ERAP1: variants seen among roughly 807,000 people sequenced by gnomAD.
ERAP1 encodes the protein adipocyte-derived leucine aminopeptidase.
In ERAP1, 86 loss-of-function variants were observed where a neutral mutation model predicts 103.7. That is an observed-to-expected ratio of 0.83 (90% CI 0.70 to 0.99). ERAP1 has a LOEUF of 0.99. Ranked by LOEUF, ERAP1 falls within the 50% of genes least tolerant of loss-of-function variation. The probability of loss-of-function intolerance (pLI) is 0.00; values close to 1 mark genes in which losing one functional copy is unlikely to be tolerated. For synonymous variants in ERAP1, 398 were observed against 402.4 expected (o/e 0.99, Z 0.13); for missense variants, 1,009 against 1,128.4 (o/e 0.89, Z 1.52).
the ERAP1 span, chr5:96,918,598 A>C: frequency 6.6e-6 from 1 of 152,134 alleles, no homozygotes; most frequent in East Asian, 1.9e-4. Context: ...GAGATACAAA[A>C]GGAAAAGGAA....
the ERAP1 span, among the ~76,000 whole-genome samples, chr5:96,874,171 A>AG: frequency 1.8e-4 from 15 of 83,916 alleles, no homozygotes; most frequent in African/African-American, 8.2e-4. Context: ...AGAAAGAAAG[A>AG]AAGAAAGAAA....
chr5:96,914,066 C>A, the ERAP1 span, among the ~76,000 whole-genome samples: 3 of 152,028 alleles, frequency 2.0e-5, no homozygotes, highest in Admixed American at 6.6e-5. Flanking sequence ...AAATATCCCT[C>A]AGAAATAACC....
At chr5:96,788,927 T>C (rs1346391852) in intron 10 of ERAP1, among the ~76,000 whole-genome samples, 2 of 152,186 alleles carry the variant, frequency 1.3e-5, no homozygotes, top group African/African-American at 4.8e-5. Context: ...GCATACCTAG[T>C]TCTGCCGGGC....
At position 96,788,488 on chromosome 5, in the gene ERAP1, T is replaced by C; in HGVS notation, c.1679+43A>G. On this transcript the variant is annotated intron_variant, in intron 11 of 18. Coordinates refer to ENST00000443439, the MANE Select transcript of ERAP1 (RefSeq NM_001040458.3). ...GCAAGGTTCCATCCTACAAGGCAGATGTTACCTAGACAACAAAACAAATTT... is the reference window on the plus strand; with the variant it reads ...GCAAGGTTCCATCCTACAAGGCAGACGTTACCTAGACAACAAAACAAATTT... The C allele has an allele frequency of 1.9e-6, 3 of 1,611,120 alleles. No homozygotes were observed. The South Asian group carries it at 3.3e-5, about 18-fold the overall frequency.
chr5:96,901,390 C>T, the ERAP1 span: 1,059 of 1,142,420 alleles, frequency 9.3e-4, 5 homozygotes, highest in Middle Eastern at 7.1e-3. Context: ...GATACCAGTC[C>T]GAGTCTTCTG....
rs768630025 is a variant in ERAP1, at chr5:96,797,309, C to T, written c.664G>A (p.Val222Met). The T allele has an allele frequency of 1.2e-6, 2 of 1,613,740 alleles. No homozygotes were observed. Among genetic ancestry groups the T allele is most frequent in the Non-Finnish European group, 1.7e-6 (2 of 1,179,884 alleles). Residue 222 changes from valine to methionine, a missense_variant and splice_region_variant, in exon 4 of 19, where the codon GTG becomes ATG. Transcript: ENST00000443439. ...CCTTCAGCAACAGTCACAGATTTCA[C>T]CTAAAATCAGAATAATTCAAATTAT... ...RHLAISNMPL[V>M]KSVTVAEGLI...
chr5:96,780,457 G>T lies in ERAP1; in HGVS notation c.2636C>A (p.Thr879Lys), dbSNP rs752843898. The part of the protein sequence containing the change: ...SSIAHMVMGT[T>K]NQFSTRTRLE... ...CCGTGTTCTTGTGGAGAATTGATTT[G>T]TTGTACCCATTACCATGTGGGCTAT... Residue 879 changes from threonine to lysine, a missense_variant, in exon 18 of 19, where the codon ACA (threonine) becomes AAA (lysine). Thr to Lys is a moderately conservative substitution (Grantham distance 78). Coordinates refer to ENST00000443439, the MANE Select transcript of ERAP1 (RefSeq NM_001040458.3). 8.1e-6 allele frequency: 13 copies of T among 1,610,706 alleles called. No individual in the cohort carries two copies. Among genetic ancestry groups the T allele is most frequent in the African/African-American group, 1.3e-5 (1 of 74,126 alleles).
the ERAP1 span, among the ~76,000 whole-genome samples, chr5:96,927,997 C>A: frequency 6.6e-6 from 1 of 152,080 alleles, no homozygotes; most frequent in African/African-American, 2.4e-5. Flanking sequence ...ACTCTGCTTC[C>A]CAGGTTCAAG....
the ERAP1 span, among the ~76,000 whole-genome samples, chr5:96,853,354 G>A: frequency 6.6e-6 from 1 of 152,138 alleles, no homozygotes; most frequent in Admixed American, 6.5e-5. Flanking sequence ...AGACTATAGT[G>A]GAAAGAGATG....
chr5:96,774,722 T>C lies in ERAP1; in HGVS notation c.*1674A>G. Reference sequence around the variant, plus strand: ...TTTTTTTAAAAGAAGGGAAATAGTTTAGTTTGGGGTGGAAATTACCAGTGA... The same window carrying C: ...TTTTTTTAAAAGAAGGGAAATAGTTCAGTTTGGGGTGGAAATTACCAGTGA... On this transcript the variant is annotated 3_prime_UTR_variant, in exon 19 of 19. Coordinates refer to ENST00000443439, the MANE Select transcript of ERAP1 (RefSeq NM_001040458.3). 1 of 982,358 alleles carries C rather than the reference T, an allele frequency of 1.0e-6. No homozygotes were observed. Among genetic ancestry groups the C allele is most frequent in the Non-Finnish European group, 1.2e-6 (1 of 827,080 alleles). 60.9% of individuals were successfully genotyped at this position (982,358 alleles called of 1,614,324 possible).
At chr5:96,892,159 T>G in the ERAP1 span, 1 of 771,916 alleles carries the variant, frequency 1.3e-6, no homozygotes, top group East Asian at 2.6e-5. Flanking sequence ...AGACACCCTG[T>G]CAATGTTAAG....
At chr5:96,859,060 TACACACACACACACACACACAC>T in the ERAP1 span, among the ~76,000 whole-genome samples, 14 of 144,730 alleles carry the variant, frequency 9.7e-5, no homozygotes, top group African/African-American at 2.6e-4. Context: ...GCCACATGCA[TACACACACACACACACACACAC>T]ACACACACAC....
chr5:96,885,185 T>A, the ERAP1 span, among the ~76,000 whole-genome samples: 1 of 152,154 alleles, frequency 6.6e-6, no homozygotes, highest in African/African-American at 2.4e-5. Flanking sequence ...TTCCCCATAG[T>A]CTCACAGCCT....
chr5:96,913,458 G>C, the ERAP1 span: 4 of 1,613,872 alleles, frequency 2.5e-6, no homozygotes, highest in South Asian at 4.4e-5. Context: ...TTCTGAAAAA[G>C]TTGGTATTCA....
At position 96,783,208 on chromosome 5, in the gene ERAP1, G is replaced by T. The variant is rs1371439276; in HGVS notation, c.2128C>A (p.Leu710Ile). 1 of 1,612,928 alleles carries T rather than the reference G, an allele frequency of 6.2e-7. No homozygotes were observed. The highest frequency in any genetic ancestry group is 1.3e-5 in the African/African-American group (1 of 74,904). ...KAFLIRLLRD[L>I]IDKQTWTDEG... ...TCTGTCCATGTCTGCTTATCAATGA[G>T]GTCCCTTAGCAGCCTGATGAGGAAG... Residue 710 changes from leucine to isoleucine, a missense_variant, in exon 15 of 19, where the codon CTC becomes ATC. Physicochemically the swap from Leu to Ile is conservative, Grantham distance 5 (BLOSUM62 2). Transcript: ENST00000443439.
intron 3 of ERAP1, 104 bp downstream of exon 3, chr5:96,800,758 A>G (rs569110901): frequency 6.4e-6 from 8 of 1,259,328 alleles, no homozygotes; most frequent in South Asian, 4.8e-5. Flanking sequence ...CTGCCAGGCA[A>G]TAAAACAAAA....
chr5:96,811,780 T>C (rs1779172167), upstream of ERAP1, among the ~76,000 whole-genome samples: 1 of 152,226 alleles, frequency 6.6e-6, no homozygotes, highest in East Asian at 1.9e-4. Context: ...AAGAACATTC[T>C]AGGTGCCACG....
At chr5:96,792,859 A>C (rs1051365793) in intron 7 of ERAP1, among the ~76,000 whole-genome samples, 1 of 152,206 alleles carries the variant, frequency 6.6e-6, no homozygotes, top group Non-Finnish European at 1.5e-5. Flanking sequence ...GAGTAGGATA[A>C]AAAAATTTTT....
At chr5:96,917,424 A>C in the ERAP1 span, 28 of 1,581,688 alleles carry the variant, frequency 1.8e-5, no homozygotes, top group Non-Finnish European at 2.3e-5. Flanking sequence ...CTCGGCCAAG[A>C]CAAAGTGTTA....
Sources: gnomAD v4.1 joint callset for allele counts (sites outside exome capture counted in the v4.1 genomes callset) on GRCh38, gnomAD v4.1.1 for gene constraint, MANE v1.5 for transcripts, NCBI Gene and HGNC (gene_info 2026-07-23, HGNC 2026-07-21) for gene names.